The following GPR158 variants were observed in gnomAD, a reference collection of about 807,000 sequenced individuals.
GPR158 encodes the protein metabotropic glycine receptor.
Under a neutral mutation model 78.2 loss-of-function variants are expected in GPR158, and 30 were observed. The ratio of observed to expected loss-of-function variants is 0.38; its 90% CI spans 0.29 to 0.52. GPR158 has a LOEUF of 0.52. GPR158 is among the 20% of genes least tolerant of loss of function. The pLI, the probability that GPR158 is intolerant of heterozygous loss-of-function variation, is 0.83. For missense variants in GPR158, 1,463 were observed against 1,523.5 expected, an observed-to-expected ratio of 0.96 and a Z score of 0.66; for synonymous variants, 581 against 591.1, an observed-to-expected ratio of 0.98 and a Z score of 0.25.
At position 25,521,471 on chromosome 10, in the gene GPR158, T is replaced by G. The variant is rs563587786; in HGVS notation, c.1405-29505T>G. Among the ~76,000 whole-genome samples, 5 of 152,354 alleles carry G rather than the reference T, an allele frequency of 3.3e-5. 1 individual carries two copies. The South Asian group carries it at 6.2e-4, about 19-fold the overall frequency. The stretch of plus-strand genomic sequence containing the variant: ...TTATTGATTTAAGTTTGACTTCACC[T>G]TTGTCTGGTGCCTCCTTGATTAGCT... On this transcript the variant is annotated intron_variant, in intron 5 of 10. Coordinates refer to ENST00000376351, the MANE Select transcript of GPR158 (RefSeq NM_020752.3).
chr10:25,346,225 C>T (rs1255944120), intron 2 of GPR158, among the ~76,000 whole-genome samples: 1 of 147,692 alleles, frequency 6.8e-6, no homozygotes, highest in Non-Finnish European at 1.5e-5. Flanking sequence ...TGGGTGCTCT[C>T]AATTATTTTG....
intron 2 of GPR158, among the ~76,000 whole-genome samples, chr10:25,356,256 T>A (rs1012057402): frequency 2.0e-5 from 3 of 152,072 alleles, no homozygotes; most frequent in African/African-American, 7.2e-5. Flanking sequence ...AACCTGCCTA[T>A]CCACATATTT....
At chr10:25,536,599 G>A (rs775419587) in intron 5 of GPR158, among the ~76,000 whole-genome samples, 1 of 152,130 alleles carries the variant, frequency 6.6e-6, no homozygotes. Context: ...ATTTGTTTCT[G>A]CATTTGTCCA....
chr10:25,417,182 C>CTTACATGGAAT (rs1412198324), intron 4 of GPR158, among the ~76,000 whole-genome samples: 1 of 152,136 alleles, frequency 6.6e-6, no homozygotes, highest in Non-Finnish European at 1.5e-5. Context: ...GATGAGCATT[C>CTTACATGGAAT]TTACATGGAA....
intron 5 of GPR158, among the ~76,000 whole-genome samples, chr10:25,501,080 A>G (rs1835941455): frequency 6.6e-6 from 1 of 152,200 alleles, no homozygotes; most frequent in Non-Finnish European, 1.5e-5. Flanking sequence ...GAAGCCAGGA[A>G]GAGGCACAGG....
chr10:25,402,084 A>G (rs908961309), intron 3 of GPR158, among the ~76,000 whole-genome samples: 1 of 152,276 alleles, frequency 6.6e-6, no homozygotes. Context: ...TCAAAGTAGC[A>G]TCATCAATTA....
At chr10:25,572,982 C>T (rs1249210235) in intron 7 of GPR158, 95 bp downstream of exon 7, 2 of 779,424 alleles carry the variant, frequency 2.6e-6, no homozygotes, top group Non-Finnish European at 4.6e-6. Flanking sequence ...TTTAGTAAAG[C>T]CTAAACTAAT....
chr10:25,593,440 T>C (rs555501510), intron 8 of GPR158, among the ~76,000 whole-genome samples: 1 of 152,232 alleles, frequency 6.6e-6, no homozygotes, highest in East Asian at 1.9e-4. Flanking sequence ...AACAAAATTG[T>C]AATTCTCTAA....
rs938680109 is a variant in GPR158, at chr10:25,349,396, A to T, written c.1009-46515A>T. On this transcript the variant is annotated intron_variant, in intron 2 of 10. Coordinates refer to ENST00000376351, the MANE Select transcript of GPR158 (RefSeq NM_020752.3). ...TTTGCAAAGTTTCTTTTCCCATATGATATGGTTCGGCTCTGTGTCCCCACC... is the reference window on the plus strand; with the variant it reads ...TTTGCAAAGTTTCTTTTCCCATATGTTATGGTTCGGCTCTGTGTCCCCACC... Among the ~76,000 whole-genome samples the T allele has an allele frequency of 5.0e-4, 64 of 127,902 alleles. 13 individuals carry two copies. The highest frequency in any genetic ancestry group is 3.7e-3 in the Middle Eastern group (1 of 270). The allele number at this position is 127,902 out of a possible 152,430, so 83.9% of individuals were successfully genotyped here.
chr10:25,540,056 G>A (rs1406589636), intron 5 of GPR158, among the ~76,000 whole-genome samples: 1 of 152,036 alleles, frequency 6.6e-6, no homozygotes, highest in Non-Finnish European at 1.5e-5. Flanking sequence ...ATCTGACAAA[G>A]GGCTAATATC....
chr10:25,564,436 A>G (rs1836902402), intron 6 of GPR158, among the ~76,000 whole-genome samples: 1 of 152,122 alleles, frequency 6.6e-6, no homozygotes, highest in Admixed American at 6.6e-5. Context: ...TGTCTTAACC[A>G]TTATTCATTG....
chr10:25,491,337 C>T (rs988057611), intron 5 of GPR158, among the ~76,000 whole-genome samples: 1 of 152,108 alleles, frequency 6.6e-6, no homozygotes, highest in Admixed American at 6.6e-5. Flanking sequence ...AGTGTGTCTC[C>T]TTTATATTTC....
At chr10:25,191,411 T>C (rs1163207462) in intron 1 of GPR158, among the ~76,000 whole-genome samples, 4 of 152,332 alleles carry the variant, frequency 2.6e-5, no homozygotes, top group African/African-American at 9.6e-5. Context: ...ATCCCAAACC[T>C]GGCTGGGCAT....
chr10:25,501,719 G>A (rs1304359882), intron 5 of GPR158, among the ~76,000 whole-genome samples: 1 of 152,192 alleles, frequency 6.6e-6, no homozygotes, highest in East Asian at 1.9e-4. Flanking sequence ...ACTTGTACCT[G>A]CAAACTGGGT....
intron 2 of GPR158, among the ~76,000 whole-genome samples, chr10:25,355,264 A>G (rs1374302499): frequency 6.6e-6 from 1 of 151,238 alleles, no homozygotes; most frequent in African/African-American, 2.4e-5. Flanking sequence ...CCTGTCTTTG[A>G]GCTTGCTGCT....
At chr10:25,399,452 A>C (rs1027259839) in intron 3 of GPR158, among the ~76,000 whole-genome samples, 6 of 152,082 alleles carry the variant, frequency 3.9e-5, no homozygotes, top group Non-Finnish European at 8.8e-5. Context: ...TCTAGGTTGC[A>C]TGCTCCTTAT....
chr10:25,430,782 A>G (rs1400307454), intron 4 of GPR158, among the ~76,000 whole-genome samples: 1 of 147,738 alleles, frequency 6.8e-6, no homozygotes, highest in South Asian at 2.2e-4. Context: ...TATTTAATAA[A>G]TGGTGCTGGG....
intron 5 of GPR158, among the ~76,000 whole-genome samples, chr10:25,541,705 T>C (rs778162573): frequency 5.3e-5 from 8 of 151,792 alleles, no homozygotes; most frequent in Non-Finnish European, 8.8e-5. Context: ...GGCTAATGAC[T>C]CATTTCCAGC....
chr10:25,419,118 T>C (rs75234240), intron 4 of GPR158, among the ~76,000 whole-genome samples: 134 of 152,222 alleles, frequency 8.8e-4, no homozygotes, highest in African/African-American at 3.1e-3. Context: ...TTTTTTATCA[T>C]CACAAACCAA....
Sources: gnomAD v4.1 joint callset for allele counts (sites outside exome capture counted in the v4.1 genomes callset) on GRCh38, gnomAD v4.1.1 for gene constraint, MANE v1.5 for transcripts, NCBI Gene and HGNC (gene_info 2026-07-23, HGNC 2026-07-21) for gene names.